The following MAF variants were observed in gnomAD, a reference collection of about 807,000 sequenced individuals.
MAF encodes the protein MAF bZIP transcription factor.
MAF carries 10 observed loss-of-function variants against 22.0 expected under a neutral mutation model. The ratio of observed to expected loss-of-function variants is 0.45; its 90% confidence interval spans 0.28 to 0.77. The LOEUF (loss-of-function observed/expected upper bound fraction) is 0.77. Among genes scored for constraint, MAF ranks in the 30% least tolerant of loss-of-function variants. The probability of loss-of-function intolerance (pLI) is 0.12; values close to 1 mark genes in which losing one functional copy is unlikely to be tolerated. For missense variants in MAF, 544 were observed against 548.4 expected (o/e 0.99, Z 0.08); for synonymous variants, 337 against 255.8 (o/e 1.32, Z -3.03).
the MAF span, among the ~76,000 whole-genome samples, chr16:79,234,765 G>A: frequency 6.6e-6 from 1 of 152,212 alleles, no homozygotes; most frequent in African/African-American, 2.4e-5. Context: ...AGTGGGGAGT[G>A]GCTCCCCTAA....
rs763208768 is a variant in MAF at position 79,599,839 on chromosome 16, C to T, written c.64G>A (p.Val22Ile). 1 of 1,611,656 alleles carries T rather than the reference C, an allele frequency of 6.2e-7. No homozygotes were observed. The highest frequency in any genetic ancestry group is 8.5e-7 in the Non-Finnish European group (1 of 1,179,920). Residue 22 changes from valine (V) to isoleucine (I), a missense_variant, in exon 1 of 2, where the codon GTT becomes ATT. Val to Ile is a conservative substitution (Grantham distance 29, BLOSUM62 3). Coordinates refer to ENST00000326043, the MANE Select transcript of MAF (RefSeq NM_005360.5). ...LPTSPLAMEY[V>I]NDFDLMKFEV... ...AACTTCATCAGATCGAAGTCATTAACATATTCCATGGCCAGGGGACTGGTG... is the reference window on the plus strand; with the variant it reads ...AACTTCATCAGATCGAAGTCATTAATATATTCCATGGCCAGGGGACTGGTG...
the MAF span, among the ~76,000 whole-genome samples, chr16:79,540,206 G>T: frequency 6.6e-6 from 1 of 151,734 alleles, no homozygotes; most frequent in East Asian, 1.9e-4. Flanking sequence ...GACAGGTTAC[G>T]TGATGAAGAC....
the MAF span, among the ~76,000 whole-genome samples, chr16:79,547,882 G>A: frequency 3.4e-4 from 50 of 145,496 alleles, no homozygotes; most frequent in African/African-American, 1.2e-3. Flanking sequence ...GTGTGTGTGC[G>A]TGTGTGTGTG....
At chr16:79,441,114 A>G in the MAF span, among the ~76,000 whole-genome samples, 2 of 152,262 alleles carry the variant, frequency 1.3e-5, no homozygotes, top group Non-Finnish European at 2.9e-5. Flanking sequence ...ATAGATTACT[A>G]GTACATGCCA....
chr16:79,237,165 A>T, the MAF span, among the ~76,000 whole-genome samples: 2 of 152,014 alleles, frequency 1.3e-5, no homozygotes, highest in African/African-American at 4.8e-5. Flanking sequence ...TGAAATAATA[A>T]TTTTTAAAAA....
chr16:79,256,358 C>T, the MAF span, among the ~76,000 whole-genome samples: 45 of 152,154 alleles, frequency 3.0e-4, no homozygotes, highest in Non-Finnish European at 5.6e-4. Context: ...ATCACTCTCC[C>T]CACTGCAACA....
At chr16:79,342,314 G>A in the MAF span, among the ~76,000 whole-genome samples, 253 of 152,280 alleles carry the variant, frequency 1.7e-3, 4 homozygotes, top group African/African-American at 5.6e-3. Flanking sequence ...GCTCTCCAGC[G>A]TCTTTGGGGT....
chr16:79,506,673 G>A, the MAF span, among the ~76,000 whole-genome samples: 1 of 152,162 alleles, frequency 6.6e-6, no homozygotes, highest in Non-Finnish European at 1.5e-5. Flanking sequence ...ACTGTGTTGA[G>A]GCAACACTCA....
chr16:79,438,390 G>C, the MAF span, among the ~76,000 whole-genome samples: 5 of 152,262 alleles, frequency 3.3e-5, no homozygotes, highest in East Asian at 9.7e-4. Context: ...AACTCAGGAC[G>C]TTTGAAATAT....
At chr16:79,325,628 C>G in the MAF span, among the ~76,000 whole-genome samples, 4 of 149,204 alleles carry the variant, frequency 2.7e-5, no homozygotes, top group Admixed American at 2.0e-4. Context: ...CACACACACA[C>G]AGAACACACA....
the MAF span, among the ~76,000 whole-genome samples, chr16:79,457,658 G>T: frequency 6.6e-6 from 1 of 152,084 alleles, no homozygotes; most frequent in Non-Finnish European, 1.5e-5. Flanking sequence ...AGAGACAGGG[G>T]TGAGGGGACT....
chr16:79,323,280 G>A, the MAF span, among the ~76,000 whole-genome samples: 1 of 151,384 alleles, frequency 6.6e-6, no homozygotes, highest in Middle Eastern at 3.4e-3. Context: ...TGGAGAGGCT[G>A]CAGGGAGCCC....
the MAF span, among the ~76,000 whole-genome samples, chr16:79,424,597 T>C: frequency 6.6e-6 from 1 of 152,250 alleles, no homozygotes; most frequent in Non-Finnish European, 1.5e-5. Flanking sequence ...TCCATGTTTC[T>C]GTGAGCCCCT....
At chr16:79,211,899 G>C in the MAF span, 9 of 1,560,028 alleles carry the variant, frequency 5.8e-6, no homozygotes, top group African/African-American at 4.1e-5. Flanking sequence ...ACACAGATCC[G>C]CAAGAGTAAA....
At chr16:79,286,896 G>T in the MAF span, among the ~76,000 whole-genome samples, 24 of 152,064 alleles carry the variant, frequency 1.6e-4, no homozygotes, top group African/African-American at 5.6e-4. Flanking sequence ...CCACACAAAC[G>T]TATCGACGAG....
the MAF span, among the ~76,000 whole-genome samples, chr16:79,290,984 T>A: frequency 1.1e-4 from 17 of 151,990 alleles, no homozygotes; most frequent in African/African-American, 4.1e-4. Flanking sequence ...ACAATGACAA[T>A]CGAGGACCAT....
the MAF span, among the ~76,000 whole-genome samples, chr16:79,333,325 T>A: frequency 6.6e-6 from 1 of 152,130 alleles, no homozygotes; most frequent in Non-Finnish European, 1.5e-5. Context: ...GGTGGGTTAA[T>A]CGGAATCCTA....
chr16:79,243,400 C>G, the MAF span, among the ~76,000 whole-genome samples: 1 of 151,878 alleles, frequency 6.6e-6, no homozygotes, highest in Admixed American at 6.6e-5. Flanking sequence ...ACTGATCCCA[C>G]AGAAATACAA....
At chr16:79,456,134 C>G in the MAF span, among the ~76,000 whole-genome samples, 1 of 152,208 alleles carries the variant, frequency 6.6e-6, no homozygotes, top group South Asian at 2.1e-4. Context: ...TCTCTACCAT[C>G]TGCAATGTGC....
Sources: allele counts gnomAD v4.1 joint callset (sites outside exome capture counted in the v4.1 genomes callset), GRCh38; gene constraint gnomAD v4.1.1; transcripts MANE v1.5; gene names NCBI Gene and HGNC (gene_info 2026-07-23, HGNC 2026-07-21).